Variants in CNTNAP2 observed in about 807,000 individuals in gnomAD.
CNTNAP2 encodes contactin associated protein 2.
In CNTNAP2, 98 loss-of-function variants were observed where a neutral mutation model predicts 155.2. The observed-to-expected ratio is 0.63, with a 90% CI of 0.54 to 0.75. The LOEUF (loss-of-function observed/expected upper bound fraction) is 0.75. CNTNAP2 is among the 30% of genes least tolerant of loss of function. The probability of loss-of-function intolerance (pLI) is 0.00; values close to 1 mark genes in which losing one functional copy is unlikely to be tolerated. For synonymous variants in CNTNAP2, 651 were observed against 631.2 expected (o/e 1.03, Z -0.47); for missense variants, 1,727 against 1,688.1 (o/e 1.02, Z -0.40).
At chr7:147,510,850 CATATATAT>C (rs61069153) in intron 11 of CNTNAP2, among the ~76,000 whole-genome samples, 2 of 76,404 alleles carry the variant, frequency 2.6e-5, no homozygotes, top group South Asian at 1.1e-3. Flanking sequence ...GGCCTACAAC[CATATATAT>C]ATATATATAT....
intron 14 of CNTNAP2, among the ~76,000 whole-genome samples, chr7:147,924,387 C>T (rs1391281967): frequency 6.6e-6 from 1 of 152,028 alleles, no homozygotes; most frequent in Non-Finnish European, 1.5e-5. Context: ...GATTCGCCTG[C>T]CTTGGCTTCC....
intron 3 of CNTNAP2, among the ~76,000 whole-genome samples, chr7:146,901,667 A>C (rs888322567): frequency 1.3e-5 from 2 of 152,206 alleles, no homozygotes; most frequent in Non-Finnish European, 2.9e-5. Context: ...CAAAGGAAAT[A>C]TCAGTACTTA....
chr7:146,620,344 T>C lies in CNTNAP2; in HGVS notation c.98-153927T>C, dbSNP rs951415388. Among the ~76,000 whole-genome samples, 7 of 152,166 alleles carry C rather than the reference T, an allele frequency of 4.6e-5. No homozygotes were observed. The South Asian group carries it at 8.3e-4, about 18-fold the overall frequency. On this transcript the variant is annotated intron_variant, in intron 1 of 23. Coordinates refer to ENST00000361727, the MANE Select transcript of CNTNAP2 (RefSeq NM_014141.6). ...GCTGCCTGCTAGTTGATCCAAAAAG[T>C]TGGGTTCCTGCCAGAGATGTAGAGC...
chr7:148,369,927 C>A (rs1798856926), intron 21 of CNTNAP2, among the ~76,000 whole-genome samples: 1 of 151,946 alleles, frequency 6.6e-6, no homozygotes. Flanking sequence ...TTATAATGTC[C>A]CTCAGTTTCG....
intron 8 of CNTNAP2, among the ~76,000 whole-genome samples, chr7:147,236,248 C>T (rs966839140): frequency 6.6e-6 from 1 of 152,218 alleles, no homozygotes; most frequent in Non-Finnish European, 1.5e-5. Context: ...AAAGCCTCTT[C>T]ACCTGCTCAG....
intron 1 of CNTNAP2, among the ~76,000 whole-genome samples, chr7:146,249,612 C>T (rs1474530069): frequency 6.6e-6 from 1 of 152,122 alleles, no homozygotes; most frequent in Non-Finnish European, 1.5e-5. Context: ...ATATTATTTT[C>T]TTTATTTCTA....
intron 2 of CNTNAP2, among the ~76,000 whole-genome samples, chr7:146,823,555 G>T (rs1232713251): frequency 1.4e-5 from 2 of 138,456 alleles, no homozygotes; most frequent in South Asian, 2.3e-4. Flanking sequence ...TCATTCTTCA[G>T]TATATTTACA....
chr7:146,429,229 A>G (rs1796136959), intron 1 of CNTNAP2, among the ~76,000 whole-genome samples: 1 of 149,606 alleles, frequency 6.7e-6, no homozygotes, highest in Admixed American at 6.6e-5. Context: ...TCTTGGCACC[A>G]TATGAATTTT....
At chr7:147,125,460 G>A (rs1362783834) in intron 6 of CNTNAP2, among the ~76,000 whole-genome samples, 1 of 152,154 alleles carries the variant, frequency 6.6e-6, no homozygotes, top group South Asian at 2.1e-4. Flanking sequence ...TGATATATAC[G>A]TGCACTTCAC....
chr7:148,155,458 T>A (rs1165643715), intron 17 of CNTNAP2, among the ~76,000 whole-genome samples: 1 of 152,176 alleles, frequency 6.6e-6, no homozygotes, highest in East Asian at 1.9e-4. Context: ...GGAAAGTTTT[T>A]ACAAGCTGGG....
intron 1 of CNTNAP2, among the ~76,000 whole-genome samples, chr7:146,476,325 A>G (rs1318962292): frequency 2.6e-5 from 4 of 152,184 alleles, no homozygotes; most frequent in African/African-American, 9.6e-5. Flanking sequence ...TCCATTTGAT[A>G]TCCAAAATTT....
intron 1 of CNTNAP2, among the ~76,000 whole-genome samples, chr7:146,296,055 C>A (rs552227838): frequency 3.4e-4 from 51 of 152,202 alleles, no homozygotes; most frequent in African/African-American, 1.2e-3. Context: ...TCACATAGCA[C>A]TAGATACTGA....
intron 3 of CNTNAP2, among the ~76,000 whole-genome samples, chr7:147,004,230 AAAAG>A: frequency 6.6e-6 from 1 of 150,694 alleles, no homozygotes; most frequent in African/African-American, 2.4e-5. Context: ...AAAAAAAAGA[AAAAG>A]AAAAACGGTA....
At chr7:148,136,218 A>G (rs989440147) in intron 16 of CNTNAP2, among the ~76,000 whole-genome samples, 11 of 152,208 alleles carry the variant, frequency 7.2e-5, no homozygotes, top group African/African-American at 2.6e-4. Context: ...TCAGCAGGTC[A>G]CATGGTTTGG....
intron 15 of CNTNAP2, among the ~76,000 whole-genome samples, chr7:148,072,847 A>G (rs1803406908): frequency 6.6e-6 from 1 of 152,148 alleles, no homozygotes; most frequent in South Asian, 2.1e-4. Context: ...AGCTGGGATT[A>G]CAGGTACCCA....
chr7:146,231,400 G>T (rs558459541), intron 1 of CNTNAP2, among the ~76,000 whole-genome samples: 2 of 152,030 alleles, frequency 1.3e-5, no homozygotes, highest in African/African-American at 4.8e-5. Flanking sequence ...AGTCCTGTTC[G>T]CAGCAACTAG....
intron 1 of CNTNAP2, among the ~76,000 whole-genome samples, chr7:146,770,685 T>A (rs1802279890): frequency 6.6e-6 from 1 of 152,000 alleles, no homozygotes; most frequent in Non-Finnish European, 1.5e-5. Context: ...ATTGATTTGA[T>A]TTTTTAAATT....
chr7:147,408,276 T>C (rs2620475), intron 10 of CNTNAP2, among the ~76,000 whole-genome samples: 47,347 of 151,862 alleles, frequency 0.31, 8,141 homozygotes, highest in Admixed American at 0.37. Flanking sequence ...GGGATCTAGG[T>C]TGGGATGGAG....
intron 1 of CNTNAP2, among the ~76,000 whole-genome samples, chr7:146,342,510 A>G (rs1014761024): frequency 6.6e-6 from 1 of 152,158 alleles, no homozygotes; most frequent in Non-Finnish European, 1.5e-5. Flanking sequence ...CTGTTAATAT[A>G]TTTGCCTTAT....
Sources: gnomAD v4.1 joint callset for allele counts (sites outside exome capture counted in the v4.1 genomes callset) on GRCh38, gnomAD v4.1.1 for gene constraint, MANE v1.5 for transcripts, NCBI Gene and HGNC (gene_info 2026-07-23, HGNC 2026-07-21) for gene names.